The following TSHZ2 variants were observed in gnomAD, a reference collection of about 807,000 sequenced individuals.
The protein encoded by TSHZ2 is teashirt zinc finger homeobox 2, also known as teashirt homolog 2.
In TSHZ2, 21 loss-of-function variants were observed where a neutral mutation model predicts 74.4. That is an observed-to-expected ratio of 0.28 (90% CI 0.20 to 0.41). The LOEUF is 0.41. Among genes scored for constraint, TSHZ2 ranks in the 10% least tolerant of loss-of-function variants. The pLI is 1.00. For missense variants in TSHZ2, 1,244 were observed against 1,293.5 expected, an observed-to-expected ratio of 0.96 and a Z score of 0.59; for synonymous variants, 540 against 515.3, an observed-to-expected ratio of 1.05 and a Z score of -0.65.
intron 2 of TSHZ2, among the ~76,000 whole-genome samples, chr20:53,292,062 G>A (rs535361708): frequency 6.6e-6 from 1 of 151,760 alleles, no homozygotes; most frequent in African/African-American, 2.4e-5. Flanking sequence ...ATGGGAAAAG[G>A]ACATCTTTGG....
At chr20:53,268,859 C>T (rs2123755070) in intron 2 of TSHZ2, among the ~76,000 whole-genome samples, 1 of 152,288 alleles carries the variant, frequency 6.6e-6, no homozygotes, top group South Asian at 2.1e-4. Flanking sequence ...TCAGATCAGG[C>T]TTCGGGGTCA....
At chr20:53,284,955 C>G (rs922239584) in intron 2 of TSHZ2, among the ~76,000 whole-genome samples, 1 of 152,104 alleles carries the variant, frequency 6.6e-6, no homozygotes, top group African/African-American at 2.4e-5. Flanking sequence ...AGGAAATGAT[C>G]GTAGACATCC....
chr20:53,443,525 C>A (rs1316145009), intron 2 of TSHZ2, among the ~76,000 whole-genome samples: 1 of 152,218 alleles, frequency 6.6e-6, no homozygotes, highest in East Asian at 1.9e-4. Flanking sequence ...AATCCTTTAA[C>A]CCCGATTCTT....
intron 1 of TSHZ2, among the ~76,000 whole-genome samples, chr20:53,232,613 T>C (rs2123674291): frequency 6.6e-6 from 1 of 152,320 alleles, no homozygotes; most frequent in Non-Finnish European, 1.5e-5. Flanking sequence ...TTCATAATCA[T>C]AATAATCATC....
At chr20:53,167,029 G>A (rs1988079336) in intron 1 of TSHZ2, among the ~76,000 whole-genome samples, 1 of 152,220 alleles carries the variant, frequency 6.6e-6, no homozygotes, top group African/African-American at 2.4e-5. Context: ...AGAAGGCTGA[G>A]TAGTCCCAGT....
intron 1 of TSHZ2, among the ~76,000 whole-genome samples, chr20:53,138,967 G>A (rs1987320726): frequency 6.6e-6 from 1 of 152,214 alleles, no homozygotes; most frequent in Non-Finnish European, 1.5e-5. Flanking sequence ...ACAGGACAGG[G>A]AGGTCTCACA....
chr20:53,076,340 T>C (rs1187418153), intron 1 of TSHZ2, among the ~76,000 whole-genome samples: 2 of 152,208 alleles, frequency 1.3e-5, no homozygotes, highest in Admixed American at 1.3e-4. Context: ...TGCACATGGC[T>C]GATAATGGAG....
intron 1 of TSHZ2, among the ~76,000 whole-genome samples, chr20:53,034,441 A>G (rs906579078): frequency 6.6e-6 from 1 of 152,198 alleles, no homozygotes. Context: ...GGTACTGGGG[A>G]TAAAGAGTGA....
chr20:53,243,822 C>CTTTTTTTTTTTTTTTTT (rs5841936), intron 1 of TSHZ2, among the ~76,000 whole-genome samples: 2 of 145,700 alleles, frequency 1.4e-5, no homozygotes, highest in Non-Finnish European at 3.0e-5. Flanking sequence ...TGCTTGCTTG[C>CTTTTTTTTTTTTTTTTT]TTTTTTTTTT....
intron 1 of TSHZ2, among the ~76,000 whole-genome samples, chr20:53,013,978 T>A (rs539441846): frequency 3.0e-3 from 461 of 152,238 alleles, no homozygotes; most frequent in African/African-American, 8.8e-3. Flanking sequence ...TCCTGCCTCG[T>A]GGGGATGATA....
intron 1 of TSHZ2, among the ~76,000 whole-genome samples, chr20:53,134,769 G>A (rs1987199217): frequency 1.3e-5 from 2 of 151,882 alleles, no homozygotes; most frequent in African/African-American, 2.4e-5. Flanking sequence ...TATTTTTGTT[G>A]GTCATCTTCT....
At chr20:53,419,292 C>T (rs988228801) in intron 2 of TSHZ2, among the ~76,000 whole-genome samples, 38 of 152,252 alleles carry the variant, frequency 2.5e-4, no homozygotes, top group African/African-American at 6.5e-4. Flanking sequence ...AACAGCCAGA[C>T]GTTGGGGAAG....
At position 53,254,566 on chromosome 20, in the gene TSHZ2, T is replaced by G. The variant is rs1484188908; in HGVS notation, c.1108T>G (p.Trp370Gly). 1.9e-6 allele frequency: 3 copies of G among 1,612,976 alleles called. No individual in the cohort carries two copies. Residue 370 changes from tryptophan to glycine, a missense_variant, in exon 2 of 3, where the codon TGG becomes GGG. Around this residue, in one of 6 missense-constraint regions of TSHZ2, gnomAD observed 470 missense variants for 456.5 expected, o/e 1.03. Transcript: ENST00000371497. ...CTACCAAAATGGAGCCAGCTACACC[T>G]GGCAGTTTGAGGCCTGCAAGTCCCA... ...YGYQNGASYT[W>G]QFEACKSQIL...
At chr20:53,481,238 A>T (rs78994611) in intron 2 of TSHZ2, among the ~76,000 whole-genome samples, 3,022 of 150,562 alleles carry the variant, frequency 0.02, 55 homozygotes, top group Non-Finnish European at 0.033. Flanking sequence ...CTTTAGGCAC[A>T]GAGAGAAATG....
chr20:53,013,472 A>C (rs1231235771), intron 1 of TSHZ2, among the ~76,000 whole-genome samples: 1 of 152,256 alleles, frequency 6.6e-6, no homozygotes, highest in Non-Finnish European at 1.5e-5. Context: ...CCATAAGAAC[A>C]GGAAAGGGTC....
intron 2 of TSHZ2, among the ~76,000 whole-genome samples, chr20:53,381,002 C>A (rs1243141261): frequency 6.6e-6 from 1 of 152,132 alleles, no homozygotes; most frequent in Admixed American, 6.5e-5. Flanking sequence ...CAGAATCCTG[C>A]GTTTGTGATT....
chr20:53,034,911 CAG>C (rs965010790), intron 1 of TSHZ2, among the ~76,000 whole-genome samples: 37 of 152,300 alleles, frequency 2.4e-4, no homozygotes, highest in African/African-American at 8.9e-4. Context: ...AGCTGGGTGG[CAG>C]AGTCTCACTT....
At chr20:53,334,910 CTGACCTTA>C (rs1468501101) in intron 2 of TSHZ2, among the ~76,000 whole-genome samples, 1 of 152,088 alleles carries the variant, frequency 6.6e-6, no homozygotes, top group Non-Finnish European at 1.5e-5. Flanking sequence ...TCTCGAACTC[CTGACCTTA>C]TGATCCACCA....
intron 2 of TSHZ2, among the ~76,000 whole-genome samples, chr20:53,425,908 C>T (rs765689937): frequency 2.0e-5 from 3 of 151,258 alleles, no homozygotes; most frequent in East Asian, 1.9e-4. Context: ...TTACATAGAA[C>T]ATGACAAAAA....
Sources: allele counts gnomAD v4.1 joint callset (sites outside exome capture counted in the v4.1 genomes callset), GRCh38; gene constraint gnomAD v4.1.1; regional missense constraint gnomAD v4.1.1; transcripts MANE v1.5; gene names NCBI Gene and HGNC (gene_info 2026-07-23, HGNC 2026-07-21).